The following NR3C2 variants were observed in gnomAD, a reference collection of about 807,000 sequenced individuals.
The protein encoded by NR3C2 is mineralocorticoid receptor.
Under a neutral mutation model 86.4 loss-of-function variants are expected in NR3C2, and 15 were observed. The observed-to-expected ratio is 0.17, with a 90% CI of 0.12 to 0.27. NR3C2 has a LOEUF of 0.27. Ranked by LOEUF, NR3C2 falls within the 10% of genes least tolerant of loss-of-function variation. The probability of loss-of-function intolerance (pLI) is 1.00; values close to 1 mark genes in which losing one functional copy is unlikely to be tolerated. For synonymous variants in NR3C2, 458 were observed against 450.5 expected (o/e 1.02, Z -0.21); for missense variants, 960 against 1,195.6 (o/e 0.80, Z 2.91).
rs77433708 is a variant in NR3C2 at position 148,276,413 on chromosome 4, C to G, written c.1758-16296G>C. On this transcript the variant is annotated intron_variant, in intron 2 of 8. Transcript: ENST00000358102. The stretch of plus-strand genomic sequence containing the variant: ...GATCTTGATGTAGACTCAGAATACA[C>G]TAATGAAAGACCAAAGGTAGGAGAG... Among the ~76,000 whole-genome samples the G allele has an allele frequency of 1.1e-3, 169 of 152,138 alleles. 4 individuals carry two copies. The East Asian group carries it at 0.03, about 27-fold the overall frequency.
chr4:148,183,442 T>C (rs1358269207), intron 4 of NR3C2, among the ~76,000 whole-genome samples: 1 of 152,188 alleles, frequency 6.6e-6, no homozygotes, highest in Non-Finnish European at 1.5e-5. Context: ...CCACCAACAG[T>C]GTAAAAGCAT....
intron 4 of NR3C2, among the ~76,000 whole-genome samples, chr4:148,186,366 C>T (rs1404121819): frequency 5.3e-5 from 8 of 151,924 alleles, no homozygotes; most frequent in African/African-American, 1.9e-4. Context: ...GAAAAATTAA[C>T]CCTTTGTCTA....
chr4:148,269,336 T>C (rs566944097), intron 2 of NR3C2, among the ~76,000 whole-genome samples: 10 of 152,280 alleles, frequency 6.6e-5, no homozygotes, highest in Non-Finnish European at 1.2e-4. Flanking sequence ...ATGTGGTCAT[T>C]GTTGATACTG....
chr4:148,303,234 T>C (rs1355948870), intron 2 of NR3C2, among the ~76,000 whole-genome samples: 3 of 152,210 alleles, frequency 2.0e-5, no homozygotes, highest in African/African-American at 7.2e-5. Context: ...TTTAAGTTTT[T>C]GCCTACATTT....
chr4:148,174,062 T>C (rs1322559286), intron 4 of NR3C2, among the ~76,000 whole-genome samples: 1 of 152,198 alleles, frequency 6.6e-6, no homozygotes. Context: ...TCCCATTCGT[T>C]TTGAATTTCA....
At position 148,243,495 on chromosome 4, in the gene NR3C2, T is replaced by G. The variant is rs185887919; in HGVS notation, c.1897+16483A>C. ...AAGGCTTTCCAATATCCACCTAATA[T>G]GCTTTCGAGTTCCATTTGAGACCAG... On this transcript the variant is annotated intron_variant, in intron 3 of 8. Transcript: ENST00000358102. Among the ~76,000 whole-genome samples the G allele has an allele frequency of 3.3e-5, 5 of 152,346 alleles. No homozygotes were observed. In the East Asian group the frequency reaches 9.6e-4, roughly 29 times the overall value.
At chr4:148,167,730 C>T (rs571538964) in intron 4 of NR3C2, among the ~76,000 whole-genome samples, 1 of 152,314 alleles carries the variant, frequency 6.6e-6, no homozygotes, top group African/African-American at 2.4e-5. Context: ...TACCAGGTTA[C>T]TTTTCTTGAT....
intron 5 of NR3C2, among the ~76,000 whole-genome samples, chr4:148,152,950 C>A (rs1166689358): frequency 6.6e-6 from 1 of 152,102 alleles, no homozygotes; most frequent in Non-Finnish European, 1.5e-5. Flanking sequence ...TTCGTCCCAC[C>A]CACAATTAAT....
chr4:148,433,193 A>C (rs895854009), intron 2 of NR3C2, among the ~76,000 whole-genome samples: 4 of 152,132 alleles, frequency 2.6e-5, no homozygotes, highest in Non-Finnish European at 4.4e-5. Context: ...CTACATTTAA[A>C]ATAGTAGAAA....
In NR3C2 at chr4:148,154,649, C is replaced by T. The variant is rs1734265067; in HGVS notation, c.2267G>A (p.Ser756Asn). 1 of 1,614,042 alleles carries T rather than the reference C, an allele frequency of 6.2e-7. No homozygotes were observed. The highest frequency in any genetic ancestry group is 1.3e-5 in the African/African-American group (1 of 74,898). Reference protein sequence around the residue: ...EPEIVYAGYDSSKPDTAENLL... With the variant: ...EPEIVYAGYDNSKPDTAENLL... ...ATTTTCGGCTGTATCTGGTTTTGAG[C>T]TGTCATAGCCTGCATATACAATTTC... is the stretch of plus-strand genomic sequence containing the variant. The change falls in exon 5 of 9, where the codon AGC becomes AAC. Residue 756 changes from serine to asparagine, a missense_variant. By Grantham distance (46) the Ser-to-Asn change is conservative (BLOSUM62 1). Coordinates refer to ENST00000358102, the MANE Select transcript of NR3C2 (RefSeq NM_000901.5).
chr4:148,114,585 G>A (rs1732189767), intron 7 of NR3C2, among the ~76,000 whole-genome samples: 1 of 152,236 alleles, frequency 6.6e-6, no homozygotes, highest in African/African-American at 2.4e-5. Context: ...CTTGCCCATG[G>A]ACACAATAAA....
intron 2 of NR3C2, among the ~76,000 whole-genome samples, chr4:148,267,602 C>A (rs1271856552): frequency 2.0e-5 from 3 of 152,006 alleles, no homozygotes; most frequent in Admixed American, 1.3e-4. Flanking sequence ...ATACAGTAAA[C>A]AGAACTTTGT....
chr4:148,144,247 C>A (rs953153899), intron 6 of NR3C2, among the ~76,000 whole-genome samples: 3 of 152,146 alleles, frequency 2.0e-5, no homozygotes, highest in African/African-American at 7.2e-5. Flanking sequence ...CTCTGTCACC[C>A]AGGCTGGGGT....
At chr4:148,418,068 C>T (rs1467894184) in intron 2 of NR3C2, among the ~76,000 whole-genome samples, 1 of 152,124 alleles carries the variant, frequency 6.6e-6, no homozygotes, top group East Asian at 1.9e-4. Flanking sequence ...GAATGACATA[C>T]TGTTAAAACA....
intron 2 of NR3C2, among the ~76,000 whole-genome samples, chr4:148,390,489 A>C (rs1579241227): frequency 6.6e-6 from 1 of 152,154 alleles, no homozygotes; most frequent in African/African-American, 2.4e-5. Flanking sequence ...CACAAGGGCC[A>C]AAGAGTAGTT....
intron 2 of NR3C2, among the ~76,000 whole-genome samples, chr4:148,423,083 T>C (rs1749358553): frequency 6.6e-6 from 1 of 152,138 alleles, no homozygotes; most frequent in South Asian, 2.1e-4. Context: ...TATTTACCTC[T>C]CGCTCACCAT....
chr4:148,402,283 G>T (rs536832698), intron 2 of NR3C2, among the ~76,000 whole-genome samples: 2 of 152,282 alleles, frequency 1.3e-5, no homozygotes, highest in African/African-American at 4.8e-5. Flanking sequence ...GGAAAAACTG[G>T]AAGTAGGGGA....
chr4:148,286,907 T>G (rs2149903126), intron 2 of NR3C2, among the ~76,000 whole-genome samples: 1 of 152,372 alleles, frequency 6.6e-6, no homozygotes, highest in African/African-American at 2.4e-5. Flanking sequence ...GGAATGTCGT[T>G]AGAGAGTCAA....
intron 2 of NR3C2, among the ~76,000 whole-genome samples, chr4:148,428,452 A>G (rs918089533): frequency 6.6e-6 from 1 of 152,196 alleles, no homozygotes; most frequent in Non-Finnish European, 1.5e-5. Flanking sequence ...ATGACAACTA[A>G]GCACAATACA....
Sources: gnomAD v4.1 joint callset for allele counts (sites outside exome capture counted in the v4.1 genomes callset) on GRCh38, gnomAD v4.1.1 for gene constraint, MANE v1.5 for transcripts, NCBI Gene and HGNC (gene_info 2026-07-23, HGNC 2026-07-21) for gene names.